GLYATL3: variants seen among roughly 807,000 people sequenced by gnomAD.
The protein encoded by GLYATL3 is glycine N-acyltransferase-like protein 3.
Under a neutral mutation model 28.5 loss-of-function variants are expected in GLYATL3, and 31 were observed. The ratio of observed to expected loss-of-function variants is 1.09; its 90% confidence interval spans 0.82 to 1.47. The LOEUF is 1.47. Among genes scored for constraint, GLYATL3 ranks in the 40% most tolerant of loss-of-function variants. The probability of loss-of-function intolerance (pLI) is 0.00; values close to 1 mark genes in which losing one functional copy is unlikely to be tolerated. For synonymous variants in GLYATL3, 141 were observed against 140.2 expected, an observed-to-expected ratio of 1.01 and a Z score of -0.04; for missense variants, 369 against 351.5, an observed-to-expected ratio of 1.05 and a Z score of -0.40.
intron 1 of GLYATL3, among the ~76,000 whole-genome samples, chr6:49,506,585 T>C (rs1486050981): frequency 2.0e-5 from 3 of 152,146 alleles, no homozygotes; most frequent in Non-Finnish European, 2.9e-5. Context: ...GGGGAGGGCA[T>C]ACCAGATTGT....
chr6:49,521,506 A>G, intron 4 of GLYATL3, 139 bp from the exon 5 acceptor site: 1 of 597,556 alleles, frequency 1.7e-6, no homozygotes, highest in South Asian at 3.3e-5. Flanking sequence ...TTTAGATGTA[A>G]GTATACAGTG....
intron 4 of GLYATL3, among the ~76,000 whole-genome samples, chr6:49,518,590 A>G (rs1769257594): frequency 6.6e-6 from 1 of 152,156 alleles, no homozygotes; most frequent in Non-Finnish European, 1.5e-5. Context: ...CCACCTGGAA[A>G]ATTTACAAGT....
intron 5 of GLYATL3, among the ~76,000 whole-genome samples, chr6:49,522,700 A>G (rs1252846300): frequency 6.6e-6 from 1 of 152,226 alleles, no homozygotes; most frequent in Non-Finnish European, 1.5e-5. Context: ...TTACTCCTAC[A>G]GTGAATGTTG....
rs558726183 is a variant in GLYATL3 at position 49,500,051 on chromosome 6, T to C, written c.-29+9T>C. ...GACTGAACTCCCAGCAGGTAAACATTTATTCATTAATATAATACATTTCAA... is the reference window on the plus strand; with the variant it reads ...GACTGAACTCCCAGCAGGTAAACATCTATTCATTAATATAATACATTTCAA... On this transcript the variant is annotated intron_variant, in intron 1 of 5. Coordinates refer to ENST00000371197, the MANE Select transcript of GLYATL3 (RefSeq NM_001010904.2). 1 of 152,266 alleles carries C rather than the reference T, an allele frequency of 6.6e-6. No homozygotes were observed. The highest frequency in any genetic ancestry group is 2.4e-5 in the African/African-American group (1 of 41,562). The allele number at this position is 152,266 out of a possible 1,614,324, so 9.4% of individuals were successfully genotyped here.
intron 5 of GLYATL3, among the ~76,000 whole-genome samples, chr6:49,524,169 T>C (rs1016790839): frequency 6.6e-6 from 1 of 152,266 alleles, no homozygotes; most frequent in Admixed American, 6.5e-5. Context: ...TTAGCAATGA[T>C]TTTATTTGCA....
At chr6:49,523,733 C>T (rs1009868775) in intron 5 of GLYATL3, among the ~76,000 whole-genome samples, 4 of 152,196 alleles carry the variant, frequency 2.6e-5, no homozygotes, top group Non-Finnish European at 5.9e-5. Flanking sequence ...TATTTTTAAG[C>T]TTGTTTTGAA....
At chr6:49,503,191 C>G (rs983023954) in intron 1 of GLYATL3, among the ~76,000 whole-genome samples, 1 of 152,136 alleles carries the variant, frequency 6.6e-6, no homozygotes, top group East Asian at 1.9e-4. Context: ...AAGTCCTCAT[C>G]ATCTTTACTG....
chr6:49,515,438 A>G (rs543072981), intron 2 of GLYATL3, among the ~76,000 whole-genome samples: 2 of 152,296 alleles, frequency 1.3e-5, no homozygotes, highest in East Asian at 3.9e-4. Context: ...TTTTTATAGG[A>G]TTTCATAGAC....
In GLYATL3 at chr6:49,517,701, T is replaced by C. The variant is rs904298824; in HGVS notation, c.313+145T>C. ...TGTATAAATACATACACATACATTTTATGCATTTACCATTTCTATATTCTA... is the reference window on the plus strand; with the variant it reads ...TGTATAAATACATACACATACATTTCATGCATTTACCATTTCTATATTCTA... On this transcript the variant is annotated intron_variant, in intron 4 of 5. Coordinates refer to ENST00000371197, the MANE Select transcript of GLYATL3 (RefSeq NM_001010904.2). 16 of 534,236 alleles carry C rather than the reference T, an allele frequency of 3.0e-5. No homozygotes were observed. The East Asian group carries it at 5.5e-4, about 18-fold the overall frequency. The allele number at this position is 534,236 out of a possible 1,614,324, so 33.1% of individuals were successfully genotyped here. A position where few individuals can be genotyped will look rare whatever the true frequency, so the allele number is the denominator to read the frequency against.
rs372434447 is a variant in GLYATL3, at chr6:49,510,493, G to A, written c.-28-1470G>A. Among the ~76,000 whole-genome samples, 91 of 152,292 alleles carry A rather than the reference G, an allele frequency of 6.0e-4. 1 individual carries two copies. The South Asian group carries it at 0.013, about 22-fold the overall frequency. On this transcript the variant is annotated intron_variant, in intron 1 of 5. Transcript: ENST00000371197. ...ATCTCTAGACATCAAACCTAATTAAGAGGTTCACATTCCACTGCCCTTTGA... is the reference window on the plus strand; with the variant it reads ...ATCTCTAGACATCAAACCTAATTAAAAGGTTCACATTCCACTGCCCTTTGA...
At position 49,525,560 on chromosome 6, in the gene GLYATL3, C is replaced by CAAAAAAAAAAAAAAAAAAAAAA. The variant is rs56711143; in HGVS notation, c.441-914_441-893dup. 6.0e-5 allele frequency among the ~76,000 whole-genome samples: 4 copies of CAAAAAAAAAAAAAAAAAAAAAA among 66,594 alleles called. 1 individual carries two copies. The highest frequency in any genetic ancestry group is 2.6e-4 in the African/African-American group (4 of 15,300). 43.7% of individuals were successfully genotyped at this position (66,594 alleles called of 152,430 possible). On this transcript the variant is annotated intron_variant, in intron 5 of 5. Transcript: ENST00000371197. ...AAACTGAGAGACAGAGCAAGGCTCT[C>CAAAAAAAAAAAAAAAAAAAAAA]AAAAAAAAAAAAAAAAAAAAAAAAA...
chr6:49,517,393 T>C, intron 3 of GLYATL3, 37 bp from the exon 4 acceptor site: 6 of 1,490,312 alleles, frequency 4.0e-6, no homozygotes, highest in South Asian at 1.3e-5. Context: ...ATCCAGATAA[T>C]ACGTTTATGT....
chr6:49,501,260 C>A (rs1768908175), intron 1 of GLYATL3, among the ~76,000 whole-genome samples: 1 of 151,966 alleles, frequency 6.6e-6, no homozygotes, highest in African/African-American at 2.4e-5. Flanking sequence ...AAAAAACTAG[C>A]CAGGCGTTGG....
At chr6:49,506,468 GTA>G (rs977497372) in intron 1 of GLYATL3, among the ~76,000 whole-genome samples, 2 of 152,100 alleles carry the variant, frequency 1.3e-5, no homozygotes, top group African/African-American at 4.8e-5. Context: ...TTGATGGAAG[GTA>G]TAGTGAAAGC....
rs939088642 is a variant in GLYATL3, at chr6:49,526,611, C to G, written c.564C>G (p.Phe188Leu). 1.0e-5 allele frequency: 16 copies of G among 1,551,926 alleles called. No homozygotes were observed. In the Admixed American group the frequency reaches 3.1e-4, roughly 30 times the overall value. ...LRYIANLISC[F>L]PSVCVRDEKG... is the part of the protein sequence containing the mutation. Reference sequence around the variant, plus strand: ...ACATCGCCAACCTCATCTCCTGCTTCCCTAGTGTGTGTGTCCGGGATGAGA... The same window carrying G: ...ACATCGCCAACCTCATCTCCTGCTTGCCTAGTGTGTGTGTCCGGGATGAGA... The change falls in exon 6 of 6, where the codon TTC becomes TTG. Residue 188 changes from phenylalanine to leucine, a missense_variant. Physicochemically the swap from Phe to Leu is conservative, Grantham distance 22 (BLOSUM62 0). Coordinates refer to ENST00000371197, the MANE Select transcript of GLYATL3 (RefSeq NM_001010904.2).
chr6:49,521,775 T>C lies in GLYATL3; in HGVS notation c.440+4T>C, dbSNP rs185699739. On this transcript the variant is annotated splice_donor_region_variant and intron_variant, in intron 5 of 5. Transcript: ENST00000371197. ...CTCTGCCAGATACCAGTTTCCTGTA[T>C]GTAAACCAAGTTTTTGCATTTGGGG... 3.9e-6 allele frequency: 6 copies of C among 1,550,828 alleles called. No homozygotes were observed. Among genetic ancestry groups the C allele is most frequent in the East Asian group, 4.9e-5 (2 of 40,896 alleles).
At chr6:49,516,363 G>A (rs1005176701) in intron 3 of GLYATL3, among the ~76,000 whole-genome samples, 6 of 152,048 alleles carry the variant, frequency 3.9e-5, no homozygotes, top group Non-Finnish European at 1.5e-5. Flanking sequence ...GAAGGATGAA[G>A]CACAAATGGC....
intron 1 of GLYATL3, among the ~76,000 whole-genome samples, chr6:49,507,523 A>C (rs987613885): frequency 6.6e-6 from 1 of 152,212 alleles, no homozygotes; most frequent in Non-Finnish European, 1.5e-5. Context: ...TTGTCGCATA[A>C]TAGCCCTGGA....
intron 1 of GLYATL3, 90 bp downstream of exon 1, chr6:49,500,132 A>G (rs927484859): frequency 6.6e-6 from 1 of 152,212 alleles, no homozygotes; most frequent in Non-Finnish European, 1.5e-5. Flanking sequence ...GATGAAATCC[A>G]ACCTTATACA....
Sources: allele counts gnomAD v4.1 joint callset (sites outside exome capture counted in the v4.1 genomes callset), GRCh38; gene constraint gnomAD v4.1.1; transcripts MANE v1.5; gene names NCBI Gene and HGNC (gene_info 2026-07-23, HGNC 2026-07-21).